Variants in CMSS1 observed in about 807,000 individuals in gnomAD.
The protein encoded by CMSS1 is protein CMSS1.
In CMSS1, 33 loss-of-function variants were observed where a neutral mutation model predicts 43.5. The observed-to-expected ratio is 0.76, with a 90% CI of 0.57 to 1.01. The LOEUF (loss-of-function observed/expected upper bound fraction) is 1.01. Among genes scored for constraint, CMSS1 ranks in the 50% least tolerant of loss-of-function variants. The pLI is 0.00. For synonymous variants in CMSS1, 115 were observed against 117.2 expected (o/e 0.98, Z 0.12); for missense variants, 313 against 326.4 (o/e 0.96, Z 0.32).
At chr3:99,995,069 A>G (rs1207869280) in intron 1 of CMSS1, among the ~76,000 whole-genome samples, 1 of 152,184 alleles carries the variant, frequency 6.6e-6, no homozygotes, top group Admixed American at 6.5e-5. Flanking sequence ...AACTCATTTC[A>G]GCATTAACCC....
At chr3:99,922,880 G>T (rs188861821) in intron 1 of CMSS1, among the ~76,000 whole-genome samples, 21 of 152,052 alleles carry the variant, frequency 1.4e-4, no homozygotes, top group Admixed American at 1.4e-3. Context: ...TTCTTATTTT[G>T]TTTTTTAAAG....
At chr3:99,995,298 A>C (rs935557322) in intron 1 of CMSS1, among the ~76,000 whole-genome samples, 1 of 152,222 alleles carries the variant, frequency 6.6e-6, no homozygotes, top group African/African-American at 2.4e-5. Context: ...TAAAGCTCCA[A>C]AATGATCTCC....
intron 1 of CMSS1, among the ~76,000 whole-genome samples, chr3:100,026,352 G>A (rs180703202): frequency 3.0e-4 from 45 of 152,098 alleles, no homozygotes; most frequent in South Asian, 1.2e-3. Context: ...AGACAGGCAC[G>A]GACAGCTATT....
At chr3:99,938,073 G>GTA (rs1373920915) in intron 1 of CMSS1, among the ~76,000 whole-genome samples, 9 of 47,756 alleles carry the variant, frequency 1.9e-4, no homozygotes, top group African/African-American at 7.2e-4. Context: ...GTGTGTGTGT[G>GTA]TGCGCGCGCG....
chr3:100,039,101 T>C (rs986539789), intron 1 of CMSS1, among the ~76,000 whole-genome samples: 6 of 152,226 alleles, frequency 3.9e-5, no homozygotes, highest in African/African-American at 1.4e-4. Flanking sequence ...TAGGAAATTA[T>C]GCTTTCACCA....
At chr3:99,933,250 T>C (rs1179301871) in intron 1 of CMSS1, among the ~76,000 whole-genome samples, 1 of 152,138 alleles carries the variant, frequency 6.6e-6, no homozygotes, top group African/African-American at 2.4e-5. Flanking sequence ...AAAATGCCTA[T>C]AGCCTTACTG....
At chr3:100,092,273 G>A (rs2066123655) in intron 1 of CMSS1, among the ~76,000 whole-genome samples, 1 of 152,092 alleles carries the variant, frequency 6.6e-6, no homozygotes, top group African/African-American at 2.4e-5. Context: ...TTGACATGCT[G>A]GCTAAAGATG....
intron 1 of CMSS1, among the ~76,000 whole-genome samples, chr3:100,136,448 C>A (rs1304556925): frequency 6.6e-6 from 1 of 152,208 alleles, no homozygotes; most frequent in Admixed American, 6.5e-5. Context: ...CTCCTCCAAG[C>A]AGCCCCCTCA....
chr3:99,959,862 GC>G (rs1230996425), intron 1 of CMSS1, among the ~76,000 whole-genome samples: 2 of 152,058 alleles, frequency 1.3e-5, no homozygotes, highest in African/African-American at 2.4e-5. Context: ...TCTTGACTGA[GC>G]CCCCCAGCCC....
intron 1 of CMSS1, among the ~76,000 whole-genome samples, chr3:99,865,612 A>G (rs531402762): frequency 6.6e-6 from 1 of 152,292 alleles, no homozygotes; most frequent in African/African-American, 2.4e-5. Context: ...TGACTTTGCC[A>G]GTAATAACAT....
chr3:99,944,474 A>G (rs1259604935), intron 1 of CMSS1, among the ~76,000 whole-genome samples: 1 of 152,220 alleles, frequency 6.6e-6, no homozygotes. Flanking sequence ...CACAACAGCA[A>G]CACAAAATTT....
At chr3:99,850,415 T>G in intron 1 of CMSS1, 1 of 1,613,996 alleles carries the variant, frequency 6.2e-7, no homozygotes, top group Non-Finnish European at 8.5e-7. Flanking sequence ...ATTCTTTTAC[T>G]GAGTTTTTCA....
chr3:99,897,883 C>T (rs1576556532), intron 1 of CMSS1, among the ~76,000 whole-genome samples: 1 of 152,146 alleles, frequency 6.6e-6, no homozygotes. Flanking sequence ...CAAATGACCA[C>T]GAATATGTCC....
At chr3:100,051,669 C>A (rs938634323) in intron 1 of CMSS1, among the ~76,000 whole-genome samples, 1 of 151,688 alleles carries the variant, frequency 6.6e-6, no homozygotes, top group Non-Finnish European at 1.5e-5. Flanking sequence ...ATCCATGTCC[C>A]TACAAAGGAC....
intron 1 of CMSS1, among the ~76,000 whole-genome samples, chr3:99,836,466 T>A (rs1942899899): frequency 6.6e-6 from 1 of 152,128 alleles, no homozygotes; most frequent in South Asian, 2.1e-4. Context: ...ATTTTGGAGA[T>A]GTTGCTTTGA....
In CMSS1 at chr3:99,837,761, T is replaced by C. The variant is rs150283315; in HGVS notation, c.64+19718T>C. ...CAGTCTTATTAAGTTACAGTGTTCC[T>C]TGAGAAATAGAAATCCAGATTTAGA... On this transcript the variant is annotated intron_variant, in intron 1 of 9. Coordinates refer to ENST00000421999, the MANE Select transcript of CMSS1 (RefSeq NM_032359.4). Among the ~76,000 whole-genome samples, 493 of 152,340 alleles carry C rather than the reference T, an allele frequency of 3.2e-3. 5 individuals are homozygous for C. Among genetic ancestry groups the C allele is most frequent in the African/African-American group, 0.011 (471 of 41,566 alleles).
intron 1 of CMSS1, among the ~76,000 whole-genome samples, chr3:100,126,723 A>C (rs991107065): frequency 6.6e-6 from 1 of 152,124 alleles, no homozygotes; most frequent in Admixed American, 6.5e-5. Context: ...TTGGGGCTGG[A>C]TGCGGTGGCT....
intron 1 of CMSS1, among the ~76,000 whole-genome samples, chr3:100,033,232 TG>T (rs1245491954): frequency 5.3e-5 from 8 of 152,238 alleles, no homozygotes; most frequent in Admixed American, 2.0e-4. Flanking sequence ...TTGTGGTTTA[TG>T]TGTCCATTGA....
At chr3:100,028,830 A>G (rs989818354) in intron 1 of CMSS1, among the ~76,000 whole-genome samples, 2 of 152,076 alleles carry the variant, frequency 1.3e-5, no homozygotes, top group African/African-American at 2.4e-5. Context: ...TAGACTCCAA[A>G]CTCATTACTG....
Sources: allele counts gnomAD v4.1 joint callset (sites outside exome capture counted in the v4.1 genomes callset), GRCh38; gene constraint gnomAD v4.1.1; transcripts MANE v1.5; gene names NCBI Gene and HGNC (gene_info 2026-07-23, HGNC 2026-07-21).